Variants in PCDHGA4 observed in about 807,000 individuals in gnomAD.
PCDHGA4 encodes protocadherin gamma subfamily A, 4, also known as protocadherin gamma-A4.
A neutral mutation model predicts 54.6 loss-of-function variants in PCDHGA4; 38 were observed. That is an observed-to-expected ratio of 0.70 (90% CI 0.54 to 0.91). The LOEUF (loss-of-function observed/expected upper bound fraction) is 0.91. Ranked by LOEUF, PCDHGA4 falls within the 40% of genes least tolerant of loss-of-function variation. PCDHGA4 has a pLI of 0.00. For synonymous variants in PCDHGA4, 511 were observed against 512.9 expected, an observed-to-expected ratio of 1.00 and a Z score of 0.05; for missense variants, 1,298 against 1,220.9, an observed-to-expected ratio of 1.06 and a Z score of -0.94.
chr5:141,484,922 GC>G (rs869160673), intron 1 of PCDHGA4: 1 of 481,378 alleles, frequency 2.1e-6, no homozygotes, highest in South Asian at 2.8e-5. Context: ...TAACCCTGCT[GC>G]TGTTGGGACG....
At position 141,357,554 on chromosome 5, in the gene PCDHGA4, G is replaced by C; in HGVS notation, c.2447G>C (p.Cys816Ser). The change falls in exon 1 of 4, where the codon TGT (cysteine) becomes TCT (serine). Residue 816 changes from cysteine (C) to serine (S), a missense_variant. Physicochemically the swap from Cys to Ser is moderately radical, Grantham distance 112 (BLOSUM62 -1). Coordinates refer to ENST00000571252, the MANE Select transcript of PCDHGA4 (RefSeq NM_018917.4). Reference sequence around the variant, plus strand: ...GACACGCTCATCAGCCGGGAGAGTTGTGAGAAAAGCGAGCCTCTTCTGATA... The same window carrying C: ...GACACGCTCATCAGCCGGGAGAGTTCTGAGAAAAGCGAGCCTCTTCTGATA... Reference protein sequence around the residue: ...YADTLISRESCEKSEPLLITQ... With the variant: ...YADTLISRESSEKSEPLLITQ... 1.2e-6 allele frequency: 2 copies of C among 1,614,220 alleles called. No homozygotes were observed. Among genetic ancestry groups the C allele is most frequent in the Non-Finnish European group, 1.7e-6 (2 of 1,180,046 alleles).
chr5:141,404,363 A>G (rs1459982001), intron 1 of PCDHGA4: 15 of 1,613,846 alleles, frequency 9.3e-6, no homozygotes, highest in African/African-American at 1.3e-5. Flanking sequence ...AGGTACTTCC[A>G]TCTTCTCCGT....
intron 1 of PCDHGA4, among the ~76,000 whole-genome samples, chr5:141,472,980 C>CAAAAA (rs60579131): frequency 1.7e-4 from 15 of 86,092 alleles, no homozygotes; most frequent in East Asian, 4.1e-4. Context: ...GAGTGAAACT[C>CAAAAA]AAAAAAAAAA....
intron 1 of PCDHGA4, chr5:141,419,005 C>G: frequency 6.2e-7 from 1 of 1,613,944 alleles, no homozygotes; most frequent in Non-Finnish European, 8.5e-7. Context: ...ATGGGGAAGT[C>G]AGGTGTAGCT....
chr5:141,476,926 T>G lies in PCDHGA4; in HGVS notation c.2515-17881T>G, dbSNP rs779017502. ...GCGTGGTACAAGTCCTTGCAACGGA[T>G]CTGGATGAAGGCCCCAACGGTGAAA... is the stretch of plus-strand genomic sequence containing the variant. On this transcript the variant is annotated intron_variant, in intron 1 of 3. Coordinates refer to ENST00000571252, the MANE Select transcript of PCDHGA4 (RefSeq NM_018917.4). The surrounding 1 kb of genome is among the most constrained non-coding windows in gnomAD (Gnocchi z 7.6). 1 of 1,614,072 alleles carries G rather than the reference T, an allele frequency of 6.2e-7. No homozygotes were observed. The highest frequency in any genetic ancestry group is 1.1e-5 in the South Asian group (1 of 91,092).
intron 1 of PCDHGA4, chr5:141,366,746 G>A (rs750528287): frequency 1.9e-6 from 3 of 1,609,646 alleles, no homozygotes; most frequent in Non-Finnish European, 2.5e-6. Flanking sequence ...AGAACGGCGA[G>A]TTCAGGTTAG....
chr5:141,365,043 A>G (rs1264854717), intron 1 of PCDHGA4: 5 of 1,613,814 alleles, frequency 3.1e-6, no homozygotes, highest in Non-Finnish European at 4.2e-6. Flanking sequence ...GCAAACGACA[A>G]TGCGCCCCTG....
chr5:141,372,365 C>T lies in PCDHGA4; in HGVS notation c.2514+14744C>T, dbSNP rs777698721. On this transcript the variant is annotated intron_variant, in intron 1 of 3. Coordinates refer to ENST00000571252, the MANE Select transcript of PCDHGA4 (RefSeq NM_018917.4). ...GAGGACAGCAGCCTCTTTCAGCCACCGTCATGCTGCACCTAATCTTCGCAG... is the reference window on the plus strand; with the variant it reads ...GAGGACAGCAGCCTCTTTCAGCCACTGTCATGCTGCACCTAATCTTCGCAG... 5.0e-6 allele frequency: 8 copies of T among 1,613,848 alleles called. No individual in the cohort carries two copies. The African/African-American group carries it at 6.7e-5, about 13-fold the overall frequency.
chr5:141,420,956 T>C lies in PCDHGA4; in HGVS notation c.2514+63335T>C, dbSNP rs17097281. 2.2e-3 allele frequency: 904 copies of C among 416,864 alleles called. 5 individuals carry two copies. The highest frequency in any genetic ancestry group is 0.016 in the African/African-American group (760 of 48,560). 25.8% of individuals were successfully genotyped at this position (416,864 alleles called of 1,614,324 possible). A position where few individuals can be genotyped will look rare whatever the true frequency, so the allele number is the denominator to read the frequency against. Reference sequence around the variant, plus strand: ...AATCATTTCTTCTGGAATTTCTTAGTCGTTGCAATAATAAGAATGGGCTCT... The same window carrying C: ...AATCATTTCTTCTGGAATTTCTTAGCCGTTGCAATAATAAGAATGGGCTCT... On this transcript the variant is annotated intron_variant, in intron 1 of 3. Coordinates refer to ENST00000571252, the MANE Select transcript of PCDHGA4 (RefSeq NM_018917.4).
At chr5:141,368,943 C>G (rs1765943914) in intron 1 of PCDHGA4, among the ~76,000 whole-genome samples, 1 of 152,178 alleles carries the variant, frequency 6.6e-6, no homozygotes, top group South Asian at 2.1e-4. Context: ...ATTCTGGTTA[C>G]TGTGAGTAGT....
chr5:141,508,062 C>T (rs910730855), intron 3 of PCDHGA4: 2 of 152,316 alleles, frequency 1.3e-5, no homozygotes, highest in African/African-American at 4.8e-5. Flanking sequence ...TAATCAGCCT[C>T]CTTGGGCTAC....
At chr5:141,437,887 G>A (rs1289693561) in intron 1 of PCDHGA4, among the ~76,000 whole-genome samples, 12 of 151,946 alleles carry the variant, frequency 7.9e-5, no homozygotes, top group Admixed American at 3.3e-4. Flanking sequence ...ACAGGCACAC[G>A]CCACCACACC....
intron 2 of PCDHGA4, among the ~76,000 whole-genome samples, chr5:141,499,796 C>T (rs2099794539): frequency 6.6e-6 from 1 of 150,412 alleles, no homozygotes; most frequent in South Asian, 2.1e-4. Context: ...AAGCAATTCT[C>T]ATGCTTCAGC....
In PCDHGA4 at chr5:141,409,653, A is replaced by G. The variant is rs763812886; in HGVS notation, c.2514+52032A>G. 10 of 1,613,542 alleles carry G rather than the reference A, an allele frequency of 6.2e-6. No homozygotes were observed. The East Asian group carries it at 8.9e-5, about 14-fold the overall frequency. ...GCCTCTGACCCGGATTTGGGGCTCAATGGCCACATCTCCTACTCTATAGTG... is the reference window on the plus strand; with the variant it reads ...GCCTCTGACCCGGATTTGGGGCTCAGTGGCCACATCTCCTACTCTATAGTG... On this transcript the variant is annotated intron_variant, in intron 1 of 3. Transcript: ENST00000571252.
intron 1 of PCDHGA4, chr5:141,400,422 TA>T: frequency 6.2e-7 from 1 of 1,614,054 alleles, no homozygotes; most frequent in Non-Finnish European, 8.5e-7. Context: ...TCCTAAAATG[TA>T]GTGAGCAATT....
chr5:141,404,200 A>C, intron 1 of PCDHGA4: 1 of 1,613,696 alleles, frequency 6.2e-7, no homozygotes, highest in Non-Finnish European at 8.5e-7. Context: ...AAAAAGCCTC[A>C]GAATATAATA....
chr5:141,450,931 T>G (rs571428678), intron 1 of PCDHGA4, among the ~76,000 whole-genome samples: 2 of 151,650 alleles, frequency 1.3e-5, no homozygotes, highest in African/African-American at 4.8e-5. Flanking sequence ...TTCAAGCAAT[T>G]CTCCTACCTC....
intron 1 of PCDHGA4, chr5:141,379,377 T>C (rs1263965751): frequency 1.3e-5 from 2 of 152,208 alleles, no homozygotes; most frequent in Non-Finnish European, 2.9e-5. Flanking sequence ...TTTGATAAAA[T>C]AACAATTTTA....
intron 1 of PCDHGA4, chr5:141,471,553 TG>T (rs1217142933): frequency 6.6e-6 from 1 of 152,224 alleles, no homozygotes; most frequent in African/African-American, 2.4e-5. Flanking sequence ...AAGGTTGCTT[TG>T]ACTCAGGGGT....
Sources: allele counts gnomAD v4.1 joint callset (sites outside exome capture counted in the v4.1 genomes callset), GRCh38; gene constraint gnomAD v4.1.1; non-coding constraint Gnocchi (gnomAD v3.1); transcripts MANE v1.5; gene names NCBI Gene and HGNC (gene_info 2026-07-23, HGNC 2026-07-21).